The following PSD3 variants were observed in gnomAD, a reference collection of about 807,000 sequenced individuals.
The protein encoded by PSD3 is pleckstrin and Sec7 domain containing 3.
In PSD3, 49 loss-of-function variants were observed where a neutral mutation model predicts 105.5. That is an observed-to-expected ratio of 0.46 (90% CI 0.37 to 0.59). The LOEUF (loss-of-function observed/expected upper bound fraction) is 0.59, where lower values mean the gene tolerates loss of function less well. Among genes scored for constraint, PSD3 ranks in the 20% least tolerant of loss-of-function variants. PSD3 has a pLI of 0.00. For synonymous variants in PSD3, 557 were observed against 457.8 expected (o/e 1.22, Z -2.77); for missense variants, 1,561 against 1,263.8 (o/e 1.24, Z -3.57).
chr8:18,724,507 A>G (rs1359534575), intron 9 of PSD3, among the ~76,000 whole-genome samples: 1 of 152,050 alleles, frequency 6.6e-6, no homozygotes, highest in Non-Finnish European at 1.5e-5. Context: ...CTACTTGAGA[A>G]GAAGCTGAGG....
In PSD3 at chr8:18,929,506, C is replaced by T. The variant is rs190455808; in HGVS notation, c.130+6528G>A. Among the ~76,000 whole-genome samples, 136 of 152,270 alleles carry T rather than the reference C, an allele frequency of 8.9e-4. 2 individuals carry two copies. The highest frequency in any genetic ancestry group is 3.3e-3 in the East Asian group (17 of 5,182). Reference sequence around the variant, plus strand: ...CCCCAACCCAGAGGCTTGCCTGCAGCAAGGCAGTTAGCATGGGTCTAATCC... The same window carrying T: ...CCCCAACCCAGAGGCTTGCCTGCAGTAAGGCAGTTAGCATGGGTCTAATCC... On this transcript the variant is annotated intron_variant, in intron 2 of 15. Transcript: ENST00000327040.
In PSD3 at chr8:18,717,878, G is replaced by A. The variant is rs555345633; in HGVS notation, c.2172+47571C>T. On this transcript the variant is annotated intron_variant, in intron 9 of 15. Transcript: ENST00000327040. The stretch of plus-strand genomic sequence containing the variant: ...CCCTTACGAACATTAAATTCTCTGC[G>A]GTGAGACTTGGTAAATAGAACACAA... Among the ~76,000 whole-genome samples the A allele has an allele frequency of 5.9e-5, 9 of 151,808 alleles. No individual in the cohort carries two copies. The East Asian group carries it at 7.8e-4, about 13-fold the overall frequency.
chr8:18,965,098 T>G (rs2129471475), intron 1 of PSD3, among the ~76,000 whole-genome samples: 1 of 152,348 alleles, frequency 6.6e-6, no homozygotes, highest in South Asian at 2.1e-4. Flanking sequence ...TATACTTCAC[T>G]GGAATTTTTA....
At chr8:19,010,794 G>C (rs1826916883) in intron 1 of PSD3, among the ~76,000 whole-genome samples, 1 of 152,004 alleles carries the variant, frequency 6.6e-6, no homozygotes, top group African/African-American at 2.4e-5. Flanking sequence ...CTAAATGAAA[G>C]CCAGGCTGGT....
intron 3 of PSD3, among the ~76,000 whole-genome samples, chr8:18,868,277 T>C (rs1035316154): frequency 3.3e-5 from 5 of 152,276 alleles, no homozygotes; most frequent in South Asian, 4.2e-4. Flanking sequence ...ATAAATACTT[T>C]AATAAAGTTT....
chr8:18,785,090 G>A (rs144930983), intron 8 of PSD3, among the ~76,000 whole-genome samples: 1 of 151,976 alleles, frequency 6.6e-6, no homozygotes, highest in African/African-American at 2.4e-5. Flanking sequence ...TTCATCCAAG[G>A]CATCTAGGAA....
intron 9 of PSD3, among the ~76,000 whole-genome samples, chr8:18,740,764 C>T (rs1438300209): frequency 6.6e-6 from 1 of 152,156 alleles, no homozygotes; most frequent in Admixed American, 6.5e-5. Flanking sequence ...TTCAAATGAA[C>T]AAATGATTCC....
At chr8:18,877,996 T>A (rs1031161505) in intron 2 of PSD3, among the ~76,000 whole-genome samples, 2 of 152,172 alleles carry the variant, frequency 1.3e-5, no homozygotes, top group African/African-American at 4.8e-5. Flanking sequence ...ACTTTTAGAA[T>A]CAACTCGTCA....
intron 2 of PSD3, among the ~76,000 whole-genome samples, chr8:18,901,981 T>C (rs334745): frequency 0.062 from 9,384 of 152,206 alleles, 685 homozygotes; most frequent in African/African-American, 0.18. Flanking sequence ...TTGACTTGTG[T>C]CAATTTGACA....
chr8:18,755,205 G>A (rs531720613), intron 9 of PSD3, among the ~76,000 whole-genome samples: 49 of 152,176 alleles, frequency 3.2e-4, no homozygotes, highest in African/African-American at 1.1e-3. Context: ...ATGGTGGGCG[G>A]ATCACTTGAG....
intron 9 of PSD3, among the ~76,000 whole-genome samples, chr8:18,676,866 C>G (rs79508292): frequency 0.023 from 3,433 of 152,302 alleles, 105 homozygotes; most frequent in African/African-American, 0.077. Flanking sequence ...GAGCACAAGC[C>G]CTGATTTGAA....
chr8:18,572,636 G>T lies in PSD3; in HGVS notation c.2676C>A (p.Ile892=), dbSNP rs1317837505. ...PEEMQGWINK[I]NCVAAVFSAP... is the part of the protein sequence containing the mutation. ...CAGAAAATACAGCTGCCACACAATTGATTTTGTTTATCCACCCTTGCATTT... is the reference window on the plus strand; with the variant it reads ...CAGAAAATACAGCTGCCACACAATTTATTTTGTTTATCCACCCTTGCATTT... The change falls in exon 14 of 16, where the codon ATC becomes ATA. Residue 892 remains isoleucine (I), a synonymous_variant. Transcript: ENST00000327040. 1.9e-6 allele frequency: 3 copies of T among 1,614,012 alleles called. No individual in the cohort carries two copies. The highest frequency in any genetic ancestry group is 2.5e-6 in the Non-Finnish European group (3 of 1,179,918).
At chr8:18,546,157 G>A (rs1235664130) in intron 15 of PSD3, among the ~76,000 whole-genome samples, 5 of 151,996 alleles carry the variant, frequency 3.3e-5, no homozygotes, top group Admixed American at 6.6e-5. Context: ...CACCATGCCC[G>A]CCTAATATTT....
intron 10 of PSD3, among the ~76,000 whole-genome samples, chr8:18,639,961 A>C (rs757221494): frequency 3.3e-5 from 5 of 152,124 alleles, no homozygotes; most frequent in African/African-American, 9.7e-5. Context: ...CAGCCTCCTC[A>C]TATGTAAAAT....
chr8:18,649,386 G>C (rs535796274), intron 10 of PSD3, among the ~76,000 whole-genome samples: 1 of 152,172 alleles, frequency 6.6e-6, no homozygotes, highest in African/African-American at 2.4e-5. Context: ...CCGGGGTTTC[G>C]GACTTGCACA....
At chr8:18,646,897 T>C (rs931887578) in intron 10 of PSD3, among the ~76,000 whole-genome samples, 1 of 151,714 alleles carries the variant, frequency 6.6e-6, no homozygotes. Flanking sequence ...TTCTTAAGAG[T>C]TCACAAAACA....
chr8:19,066,164 G>A (rs1829069600), intron 1 of PSD3, among the ~76,000 whole-genome samples: 2 of 152,098 alleles, frequency 1.3e-5, no homozygotes, highest in Non-Finnish European at 2.9e-5. Flanking sequence ...TAAATTTGTT[G>A]AATTTTTAAA....
chr8:18,548,043 T>C (rs1398584575), intron 15 of PSD3, among the ~76,000 whole-genome samples: 1 of 152,220 alleles, frequency 6.6e-6, no homozygotes, highest in Non-Finnish European at 1.5e-5. Context: ...TTAACTGACA[T>C]GTTTTCAAGT....
intron 12 of PSD3, among the ~76,000 whole-genome samples, chr8:18,599,040 A>G (rs1400514292): frequency 1.4e-5 from 2 of 141,008 alleles, no homozygotes; most frequent in Non-Finnish European, 3.2e-5. Flanking sequence ...ACAGAAAAAG[A>G]AAAAAAAATT....
Sources: gnomAD v4.1 joint callset for allele counts (sites outside exome capture counted in the v4.1 genomes callset) on GRCh38, gnomAD v4.1.1 for gene constraint, MANE v1.5 for transcripts, NCBI Gene and HGNC (gene_info 2026-07-23, HGNC 2026-07-21) for gene names.